The following PAM variants were observed in gnomAD, a reference collection of about 807,000 sequenced individuals.
PAM encodes the protein peptidylglycine alpha-amidating monooxygenase, also known as peptidyl-glycine alpha-amidating monooxygenase.
A neutral mutation model predicts 122.1 loss-of-function variants in PAM; 72 were observed. The observed-to-expected ratio is 0.59, with a 90% confidence interval of 0.49 to 0.72. The LOEUF (loss-of-function observed/expected upper bound fraction) is 0.72. Ranked by LOEUF, PAM falls within the 30% of genes least tolerant of loss-of-function variation. The pLI, the probability that PAM is intolerant of heterozygous loss-of-function variation, is 0.00. For synonymous variants in PAM, 389 were observed against 404.4 expected, an observed-to-expected ratio of 0.96 and a Z score of 0.46; for missense variants, 1,106 against 1,183.7, an observed-to-expected ratio of 0.93 and a Z score of 0.96.
chr5:102,889,679 T>A (rs1217460665), intron 3 of PAM, among the ~76,000 whole-genome samples: 1 of 151,966 alleles, frequency 6.6e-6, no homozygotes, highest in South Asian at 2.1e-4. Context: ...TCTTTTTTGA[T>A]TCCTATCTTG....
At chr5:102,803,319 A>G (rs538828643) in intron 1 of PAM, among the ~76,000 whole-genome samples, 1 of 152,270 alleles carries the variant, frequency 6.6e-6, no homozygotes, top group Admixed American at 6.5e-5. Context: ...TGGTAGCTAG[A>G]TGTAGGTAAG....
chr5:102,815,334 G>A (rs1044550057), intron 1 of PAM, among the ~76,000 whole-genome samples: 2 of 152,258 alleles, frequency 1.3e-5, no homozygotes, highest in Admixed American at 6.5e-5. Context: ...TTGGAATCGT[G>A]TTAGGGCAAT....
chr5:102,935,269 C>CT (rs145419441), intron 7 of PAM, among the ~76,000 whole-genome samples: 4,511 of 147,806 alleles, frequency 0.031, 207 homozygotes, highest in African/African-American at 0.1. Context: ...GTACTTTTTT[C>CT]TTTTTTTTTT....
At chr5:103,012,233 T>G (rs1174124635) in intron 21 of PAM, among the ~76,000 whole-genome samples, 2 of 152,212 alleles carry the variant, frequency 1.3e-5, no homozygotes, top group Non-Finnish European at 2.9e-5. Context: ...CGTGGTTGAT[T>G]GTTTCCTTTG....
At chr5:102,992,453 T>C (rs903325173) in intron 16 of PAM, among the ~76,000 whole-genome samples, 2 of 152,306 alleles carry the variant, frequency 1.3e-5, no homozygotes, top group East Asian at 1.9e-4. Context: ...CTCAGCTCTC[T>C]GAGTAGAATT....
At chr5:102,872,914 C>T (rs1300861651) in intron 3 of PAM, among the ~76,000 whole-genome samples, 1 of 152,066 alleles carries the variant, frequency 6.6e-6, no homozygotes, top group East Asian at 1.9e-4. Flanking sequence ...ACGGGGCCTA[C>T]TTGAGGGTGG....
intron 1 of PAM, among the ~76,000 whole-genome samples, chr5:102,858,602 T>C (rs533513208): frequency 9.2e-5 from 14 of 152,360 alleles, no homozygotes; most frequent in African/African-American, 3.1e-4. Context: ...TTACCTAACT[T>C]TCAGATAGCA....
intron 3 of PAM, 130 bp downstream of exon 3, chr5:102,867,523 G>A: frequency 1.9e-6 from 1 of 516,194 alleles, no homozygotes; most frequent in South Asian, 4.1e-5. Context: ...TCCAGCTAAG[G>A]CTAGAATAAT....
At chr5:102,911,960 G>T (rs1801536464) in intron 4 of PAM, among the ~76,000 whole-genome samples, 1 of 151,846 alleles carries the variant, frequency 6.6e-6, no homozygotes, top group Non-Finnish European at 1.5e-5. Context: ...CAGCTTCAGG[G>T]TTCAATTTTT....
chr5:102,823,311 A>G (rs1278836282), intron 1 of PAM, among the ~76,000 whole-genome samples: 1 of 152,248 alleles, frequency 6.6e-6, no homozygotes, highest in African/African-American at 2.4e-5. Flanking sequence ...CACTGAGTTG[A>G]AATAGAGTCA....
At chr5:102,951,179 A>G (rs1324750452) in intron 12 of PAM, among the ~76,000 whole-genome samples, 1 of 152,072 alleles carries the variant, frequency 6.6e-6, no homozygotes, top group East Asian at 1.9e-4. Flanking sequence ...CACGGGGTCT[A>G]CATTTGGTGA....
chr5:103,025,320 C>T lies in PAM; in HGVS notation c.2675C>T (p.Ser892Leu), dbSNP rs753227077. ...AIAIFIRWKK[S>L]RAFGDSEHKL... The stretch of plus-strand genomic sequence containing the variant: ...GCCATATTTATTCGGTGGAAAAAAT[C>T]AAGGGCCTTTGGAGGCAAGTAAAAT... Residue 892 changes from serine to leucine, a missense_variant, in exon 24 of 26, where the codon TCA (serine) becomes TTA (leucine). Ser to Leu is a moderately radical substitution (Grantham distance 145). Coordinates refer to ENST00000438793, the MANE Select transcript of PAM (RefSeq NM_001177306.2). 3.7e-6 allele frequency: 6 copies of T among 1,613,434 alleles called. No individual in the cohort carries two copies. The Admixed American group carries it at 1.0e-4, about 27-fold the overall frequency.
chr5:103,021,574 G>A (rs1240093343), intron 23 of PAM, among the ~76,000 whole-genome samples: 1 of 152,124 alleles, frequency 6.6e-6, no homozygotes, highest in Non-Finnish European at 1.5e-5. Context: ...TGTGGAAGTG[G>A]TTTGTGGTCA....
chr5:102,946,277 C>T (rs1381994637), intron 7 of PAM, among the ~76,000 whole-genome samples: 2 of 152,020 alleles, frequency 1.3e-5, no homozygotes, highest in Non-Finnish European at 2.9e-5. Flanking sequence ...TGTATATGTG[C>T]AAGCATATGG....
chr5:102,980,674 A>G (rs1433989355), intron 15 of PAM, among the ~76,000 whole-genome samples: 1 of 152,168 alleles, frequency 6.6e-6, no homozygotes, highest in African/African-American at 2.4e-5. Flanking sequence ...TAACTACCTG[A>G]TAATTAAAAA....
At chr5:102,822,172 C>CT (rs1170452448) in intron 1 of PAM, among the ~76,000 whole-genome samples, 1 of 152,176 alleles carries the variant, frequency 6.6e-6, no homozygotes, top group African/African-American at 2.4e-5. Context: ...CCCCTGAGCA[C>CT]TTTCATTTTG....
intron 1 of PAM, among the ~76,000 whole-genome samples, chr5:102,844,394 C>G (rs1159596971): frequency 6.6e-6 from 1 of 152,074 alleles, no homozygotes; most frequent in Non-Finnish European, 1.5e-5. Flanking sequence ...CTACAATGAT[C>G]TAAAACATGC....
chr5:102,841,406 T>TACACACAC (rs35825092), intron 1 of PAM, among the ~76,000 whole-genome samples: 2,399 of 138,500 alleles, frequency 0.017, 43 homozygotes, highest in African/African-American at 0.048. Context: ...CACCTACAAA[T>TACACACAC]ACACACACAC....
chr5:102,782,522 C>G (rs1346878685), intron 1 of PAM, among the ~76,000 whole-genome samples: 1 of 152,114 alleles, frequency 6.6e-6, no homozygotes, highest in Non-Finnish European at 1.5e-5. Flanking sequence ...AGGAAAACAT[C>G]TATGTTTATT....
Sources: allele counts gnomAD v4.1 joint callset (sites outside exome capture counted in the v4.1 genomes callset), GRCh38; gene constraint gnomAD v4.1.1; transcripts MANE v1.5; gene names NCBI Gene and HGNC (gene_info 2026-07-23, HGNC 2026-07-21).